SPMAP2L: variants seen among roughly 807,000 people sequenced by gnomAD.
SPMAP2L encodes sperm microtubule associated protein 2 like.
At chr4:56,601,447 T>C in the SPMAP2L span, among the ~76,000 whole-genome samples, 8 of 152,222 alleles carry the variant, frequency 5.3e-5, no homozygotes, top group East Asian at 1.5e-3. Flanking sequence ...AGTGAGACCC[T>C]GTCTCTACAA....
At chr4:56,589,970 G>C in the SPMAP2L span, among the ~76,000 whole-genome samples, 1 of 152,104 alleles carries the variant, frequency 6.6e-6, no homozygotes, top group East Asian at 1.9e-4. Context: ...AACAGTAACA[G>C]TTTGACTTCC....
the SPMAP2L span, among the ~76,000 whole-genome samples, chr4:56,617,673 T>C: frequency 1.3e-5 from 2 of 151,914 alleles, no homozygotes; most frequent in African/African-American, 4.9e-5. Context: ...CATAGGCGGC[T>C]TGTGTTAACG....
chr4:56,573,479 G>A, the SPMAP2L span, among the ~76,000 whole-genome samples: 2 of 151,758 alleles, frequency 1.3e-5, no homozygotes, highest in African/African-American at 4.8e-5. Context: ...CTTTCCCCTC[G>A]GCTCTATTCT....
At chr4:56,596,464 G>A in the SPMAP2L span, 1 of 1,472,896 alleles carries the variant, frequency 6.8e-7, no homozygotes, top group East Asian at 2.5e-5. Flanking sequence ...TTTATTACTT[G>A]ATGCTTATAA....
the SPMAP2L span, among the ~76,000 whole-genome samples, chr4:56,592,805 T>TGA: frequency 1.3e-5 from 2 of 151,848 alleles, no homozygotes; most frequent in South Asian, 4.1e-4. Context: ...GGCTGGGGCC[T>TGA]CGCGCCTCCT....
chr4:56,551,771 G>A, the SPMAP2L span, among the ~76,000 whole-genome samples: 1 of 152,172 alleles, frequency 6.6e-6, no homozygotes, highest in Non-Finnish European at 1.5e-5. Context: ...AACTCTCAAT[G>A]ACTTAACACA....
the SPMAP2L span, among the ~76,000 whole-genome samples, chr4:56,605,735 T>A: frequency 4.1e-4 from 63 of 152,066 alleles, no homozygotes; most frequent in African/African-American, 1.5e-3. Context: ...ATCCTCAGCA[T>A]TTCAAAGGAG....
chr4:56,553,790 A>G, the SPMAP2L span, among the ~76,000 whole-genome samples: 2 of 152,122 alleles, frequency 1.3e-5, no homozygotes, highest in Non-Finnish European at 1.5e-5. Flanking sequence ...CATACAGGAC[A>G]GTTTCATCGC....
At chr4:56,596,627 G>T in the SPMAP2L span, 1 of 1,513,902 alleles carries the variant, frequency 6.6e-7, no homozygotes, top group Non-Finnish European at 8.8e-7. Context: ...CTGCCCATCC[G>T]TCCTGTAAGC....
At chr4:56,592,925 T>C in the SPMAP2L span, 1 of 1,606,616 alleles carries the variant, frequency 6.2e-7, no homozygotes, top group African/African-American at 1.3e-5. Flanking sequence ...CATTGATGAA[T>C]TGATCGAGAA....
chr4:56,537,178 T>C, the SPMAP2L span, among the ~76,000 whole-genome samples: 1 of 152,232 alleles, frequency 6.6e-6, no homozygotes, highest in South Asian at 2.1e-4. Context: ...TCCACCTGAC[T>C]GTTTCTCCTT....
At chr4:56,622,232 G>A in the SPMAP2L span, among the ~76,000 whole-genome samples, 1 of 152,128 alleles carries the variant, frequency 6.6e-6, no homozygotes, top group Non-Finnish European at 1.5e-5. Context: ...AGATTCTTGG[G>A]GAAATCTTGA....
the SPMAP2L span, among the ~76,000 whole-genome samples, chr4:56,591,102 T>C: frequency 7.4e-3 from 1,129 of 152,320 alleles, 15 homozygotes; most frequent in African/African-American, 0.026. Context: ...GAATTATAAT[T>C]CCCAGTGTTG....
the SPMAP2L span, among the ~76,000 whole-genome samples, chr4:56,566,263 A>G: frequency 1.3e-5 from 2 of 152,088 alleles, no homozygotes; most frequent in African/African-American, 2.4e-5. Context: ...CAGTGGCACA[A>G]TCTTGGCTCA....
chr4:56,596,225 C>A, the SPMAP2L span, among the ~76,000 whole-genome samples: 1 of 151,798 alleles, frequency 6.6e-6, no homozygotes, highest in African/African-American at 2.4e-5. Flanking sequence ...TTTTTTTTAT[C>A]TGCATTTATT....
At chr4:56,625,298 A>G in the SPMAP2L span, among the ~76,000 whole-genome samples, 3 of 152,148 alleles carry the variant, frequency 2.0e-5, no homozygotes, top group African/African-American at 7.2e-5. Context: ...TTACAGGCTC[A>G]TAGGAGGAAG....
chr4:56,592,896 A>G, the SPMAP2L span: 3 of 1,608,498 alleles, frequency 1.9e-6, no homozygotes, highest in South Asian at 3.3e-5. Context: ...GAGATGCTGC[A>G]GATCTTGGGG....
chr4:56,613,089 T>C, the SPMAP2L span, among the ~76,000 whole-genome samples: 2 of 152,268 alleles, frequency 1.3e-5, no homozygotes, highest in South Asian at 4.1e-4. Flanking sequence ...CTTCCCCTTC[T>C]TCCCAGAGGG....
chr4:56,551,613 A>C, the SPMAP2L span, among the ~76,000 whole-genome samples: 1 of 152,138 alleles, frequency 6.6e-6, no homozygotes, highest in Non-Finnish European at 1.5e-5. Context: ...GTTGGTTTCT[A>C]AAGATGGTAG....
Sources: allele counts gnomAD v4.1 joint callset (sites outside exome capture counted in the v4.1 genomes callset), GRCh38; gene constraint gnomAD v4.1.1; transcripts MANE v1.5; gene names NCBI Gene and HGNC (gene_info 2026-07-23, HGNC 2026-07-21).